SETD2: variants seen among roughly 807,000 people sequenced by gnomAD.
The protein encoded by SETD2 is SET domain containing 2, histone lysine methyltransferase.
Under a neutral mutation model 242.1 loss-of-function variants are expected in SETD2, and 31 were observed. That is an observed-to-expected ratio of 0.13 (90% CI 0.10 to 0.17). The LOEUF is 0.17. Ranked by LOEUF, SETD2 falls within the 10% of genes least tolerant of loss-of-function variation. SETD2 has a pLI of 1.00. For synonymous variants in SETD2, 1,006 were observed against 1,066.5 expected, an observed-to-expected ratio of 0.94 and a Z score of 1.11; for missense variants, 2,481 against 3,046.3, an observed-to-expected ratio of 0.81 and a Z score of 4.37.
At chr3:47,131,420 T>G (rs930820801) in intron 1 of SETD2, among the ~76,000 whole-genome samples, 2 of 152,142 alleles carry the variant, frequency 1.3e-5, no homozygotes, top group Non-Finnish European at 2.9e-5. Context: ...CTCAGCTCAC[T>G]GCAAGCTCCG....
At chr3:47,091,328 A>G (rs1047392123) in intron 9 of SETD2, among the ~76,000 whole-genome samples, 3 of 152,198 alleles carry the variant, frequency 2.0e-5, no homozygotes, top group African/African-American at 4.8e-5. Flanking sequence ...TCACAGGGCT[A>G]AAAAATGAGA....
At chr3:47,094,024 CATT>C (rs377036839) in intron 9 of SETD2, among the ~76,000 whole-genome samples, 150 of 152,246 alleles carry the variant, frequency 9.9e-4, no homozygotes, top group African/African-American at 3.4e-3. Flanking sequence ...TAGTTACACT[CATT>C]ATGCATATTC....
chr3:47,158,791 T>C (rs1415881405), intron 1 of SETD2, among the ~76,000 whole-genome samples: 2 of 152,218 alleles, frequency 1.3e-5, no homozygotes. Flanking sequence ...GCATATTTTA[T>C]TATTAAAATA....
At position 47,101,513 on chromosome 3, in the gene SETD2, T is replaced by C. The variant is rs1289786948; in HGVS notation, c.4960A>G (p.Lys1654Glu). ...AACTCTGAGCCTGAAGGAACCAGTT[T>C]GGTGGTAAAAAACCCAACCCTCAGT... The part of the protein sequence containing the change: ...GQLRVGFFTT[K>E]LVPSGSELTF... Residue 1654 changes from lysine to glutamate, a missense_variant, in exon 8 of 21, where the codon AAA (lysine) becomes GAA (glutamate). Lys to Glu is a moderately conservative substitution (Grantham distance 56). Transcript: ENST00000409792. 2 of 1,613,806 alleles carry C rather than the reference T, an allele frequency of 1.2e-6. No individual in the cohort carries two copies. Among genetic ancestry groups the C allele is most frequent in the Non-Finnish European group, 1.7e-6 (2 of 1,179,866 alleles).
intron 9 of SETD2, among the ~76,000 whole-genome samples, chr3:47,097,403 G>T (rs1176746285): frequency 6.6e-6 from 1 of 152,102 alleles, no homozygotes; most frequent in East Asian, 1.9e-4. Flanking sequence ...TTAGTAACAG[G>T]ATATTCCCCA....
intron 12 of SETD2, 79 bp downstream of exon 12, chr3:47,083,641 A>G (rs2041411930): frequency 7.5e-7 from 1 of 1,324,624 alleles, no homozygotes; most frequent in Non-Finnish European, 1.0e-6. Context: ...GGCTAAAAAA[A>G]GTAGTTAATT....
intron 4 of SETD2, among the ~76,000 whole-genome samples, chr3:47,114,356 C>A (rs2042773738): frequency 6.6e-6 from 1 of 152,184 alleles, no homozygotes; most frequent in African/African-American, 2.4e-5. Flanking sequence ...GTGCACCTTC[C>A]CTTCCTTCTA....
intron 1 of SETD2, among the ~76,000 whole-genome samples, chr3:47,150,081 G>C (rs1471477826): frequency 1.4e-5 from 2 of 140,078 alleles, no homozygotes; most frequent in African/African-American, 5.5e-5. Context: ...CCAGGCTGGA[G>C]TGCAGTGGCG....
chr3:47,122,751 T>C lies in SETD2; in HGVS notation c.1885A>G (p.Lys629Glu), dbSNP rs145650484. The C allele has an allele frequency of 6.2e-4, 998 of 1,610,826 alleles. No homozygotes were observed. The highest frequency in any genetic ancestry group is 8.1e-4 in the Non-Finnish European group (959 of 1,179,106). Residue 629 changes from lysine (K) to glutamate (E), a missense_variant, in exon 3 of 21, where the codon AAG (lysine) becomes GAG (glutamate). Lys to Glu is a moderately conservative substitution (Grantham distance 56). Transcript: ENST00000409792. The stretch of plus-strand genomic sequence containing the variant: ...TTAAAAATAGGCAATTCATCTAGCT[T>C]TTTTAAAGTAGGTGAATCATTTAAT... ...NRLNDSPTLK[K>E]LDELPIFKSE...
intron 16 of SETD2, among the ~76,000 whole-genome samples, chr3:47,045,475 G>GC (rs2039479145): frequency 6.7e-6 from 1 of 148,474 alleles, no homozygotes; most frequent in Non-Finnish European, 1.5e-5. Context: ...CCGAGATCAT[G>GC]CCACTGCACT....
chr3:47,074,500 C>CT (rs1481258804), intron 12 of SETD2, among the ~76,000 whole-genome samples: 2 of 152,208 alleles, frequency 1.3e-5, no homozygotes, highest in Non-Finnish European at 2.9e-5. Context: ...CATAGCTACT[C>CT]ACAAGGCAAC....
chr3:47,091,425 G>A (rs1365477479), intron 9 of SETD2, among the ~76,000 whole-genome samples: 1 of 151,924 alleles, frequency 6.6e-6, no homozygotes, highest in Admixed American at 6.6e-5. Context: ...CCAGGAGTTC[G>A]GGACCAGCCT....
At chr3:47,036,400 CAAACATT>C (rs1251736801) in intron 18 of SETD2, among the ~76,000 whole-genome samples, 1 of 151,996 alleles carries the variant, frequency 6.6e-6, no homozygotes, top group Non-Finnish European at 1.5e-5. Context: ...ACTAAAAATA[CAAACATT>C]AGCCAGGCAT....
chr3:47,139,888 G>C (rs541748883), intron 1 of SETD2, among the ~76,000 whole-genome samples: 35 of 152,228 alleles, frequency 2.3e-4, no homozygotes, highest in Non-Finnish European at 2.2e-4. Flanking sequence ...TGATATACAA[G>C]CACTCCTTCT....
In SETD2 at chr3:47,062,358, G is replaced by A; in HGVS notation, c.6110-12C>T. On this transcript the variant is annotated splice_polypyrimidine_tract_variant and intron_variant, in intron 13 of 20. Transcript: ENST00000409792. Reference sequence around the variant, plus strand: ...TCCTCGTTCAGTTGCTAAGGGAAAAGGGTGGTTTGTTTGTTTTTTTTTTTT... The same window carrying A: ...TCCTCGTTCAGTTGCTAAGGGAAAAAGGTGGTTTGTTTGTTTTTTTTTTTT... The A allele has an allele frequency of 6.5e-7, 1 of 1,532,828 alleles. No homozygotes were observed. Among genetic ancestry groups the A allele is most frequent in the South Asian group, 1.2e-5 (1 of 80,948 alleles). The allele number at this position is 1,532,828 out of a possible 1,614,324, so 95.0% of individuals were successfully genotyped here.
chr3:47,023,778 T>G (rs540378161), intron 18 of SETD2, among the ~76,000 whole-genome samples: 1 of 152,246 alleles, frequency 6.6e-6, no homozygotes, highest in Admixed American at 6.5e-5. Flanking sequence ...AACACAGAGG[T>G]GATTTACAGC....
intron 18 of SETD2, among the ~76,000 whole-genome samples, chr3:47,027,727 C>T (rs944538099): frequency 4.6e-5 from 7 of 151,610 alleles, no homozygotes; most frequent in Non-Finnish European, 7.4e-5. Context: ...AAATCTAAAG[C>T]GACTAGATTT....
At chr3:47,043,680 T>A (rs1025815298) in intron 16 of SETD2, among the ~76,000 whole-genome samples, 2 of 152,216 alleles carry the variant, frequency 1.3e-5, no homozygotes, top group Non-Finnish European at 2.9e-5. Flanking sequence ...TAAAATGTGT[T>A]CACTTTTAAG....
intron 12 of SETD2, among the ~76,000 whole-genome samples, chr3:47,074,827 G>T (rs1329568772): frequency 1.3e-5 from 2 of 152,142 alleles, no homozygotes; most frequent in Admixed American, 1.3e-4. Context: ...TTCAATTATG[G>T]ATCACAGATT....
Sources: gnomAD v4.1 joint callset for allele counts (sites outside exome capture counted in the v4.1 genomes callset) on GRCh38, gnomAD v4.1.1 for gene constraint, MANE v1.5 for transcripts, NCBI Gene and HGNC (gene_info 2026-07-23, HGNC 2026-07-21) for gene names.